The following NMT2 variants were observed in gnomAD, a reference collection of about 807,000 sequenced individuals.
NMT2 encodes the protein N-myristoyltransferase 2, also known as glycylpeptide N-tetradecanoyltransferase 2.
Under a neutral mutation model 65.4 loss-of-function variants are expected in NMT2, and 35 were observed. The ratio of observed to expected loss-of-function variants is 0.54; its 90% CI spans 0.41 to 0.71. The LOEUF is 0.71. Ranked by LOEUF, NMT2 falls within the 30% of genes least tolerant of loss-of-function variation. The probability of loss-of-function intolerance (pLI) is 0.00; values close to 1 mark genes in which losing one functional copy is unlikely to be tolerated. For missense variants in NMT2, 489 were observed against 611.3 expected, an observed-to-expected ratio of 0.80 and a Z score of 2.11; for synonymous variants, 226 against 231.8, an observed-to-expected ratio of 0.98 and a Z score of 0.23.
At chr10:15,118,311 G>A (rs1431936975) in intron 9 of NMT2, among the ~76,000 whole-genome samples, 1 of 152,214 alleles carries the variant, frequency 6.6e-6, no homozygotes, top group East Asian at 1.9e-4. Flanking sequence ...GCCAAGGCAG[G>A]TGAATCACCT....
At chr10:15,168,141 G>T (rs1314158396) in intron 1 of NMT2, among the ~76,000 whole-genome samples, 1 of 152,204 alleles carries the variant, frequency 6.6e-6, no homozygotes, top group African/African-American at 2.4e-5. Flanking sequence ...AAAGGGAAGG[G>T]CGTAGCGCCT....
intron 2 of NMT2, among the ~76,000 whole-genome samples, chr10:15,136,063 A>G (rs1298832311): frequency 6.6e-6 from 1 of 152,036 alleles, no homozygotes; most frequent in Non-Finnish European, 1.5e-5. Flanking sequence ...CCTTGTCTTT[A>G]CAACAATACA....
chr10:15,139,292 CT>C (rs1336352075), intron 2 of NMT2, among the ~76,000 whole-genome samples: 49 of 147,788 alleles, frequency 3.3e-4, no homozygotes, highest in East Asian at 7.7e-4. Context: ...ATCTATCTAT[CT>C]ATCCATCCAT....
intron 1 of NMT2, chr10:15,154,785 A>G: frequency 4.2e-6 from 3 of 720,116 alleles, no homozygotes; most frequent in African/African-American, 1.7e-5. Context: ...AAGATAAAAC[A>G]CAAGTCAAAC....
chr10:15,117,573 G>C (rs1845786651), intron 9 of NMT2, among the ~76,000 whole-genome samples: 1 of 152,108 alleles, frequency 6.6e-6, no homozygotes, highest in East Asian at 1.9e-4. Context: ...ATAAATAAAG[G>C]CATCGAGATT....
chr10:15,138,451 T>G (rs764067263), intron 2 of NMT2: 1 of 471,162 alleles, frequency 2.1e-6, no homozygotes, highest in South Asian at 1.5e-5. Context: ...CTGGGAAGAA[T>G]GAGTGTGCAT....
intron 1 of NMT2, among the ~76,000 whole-genome samples, chr10:15,155,535 GTTTTTTTTTT>G (rs71390015): frequency 3.4e-5 from 2 of 59,390 alleles, no homozygotes; most frequent in South Asian, 1.2e-3. Context: ...TGCCGGGCTA[GTTTTTTTTTT>G]TTTTTTTTTT....
chr10:15,118,278 C>T (rs1277505013), intron 9 of NMT2, among the ~76,000 whole-genome samples: 1 of 152,170 alleles, frequency 6.6e-6, no homozygotes, highest in Non-Finnish European at 1.5e-5. Context: ...TGGCTCACAC[C>T]TATAATTCCA....
chr10:15,147,752 G>A (rs765174481), intron 1 of NMT2, among the ~76,000 whole-genome samples: 2 of 152,136 alleles, frequency 1.3e-5, no homozygotes, highest in African/African-American at 2.4e-5. Context: ...AACAGTGTCT[G>A]GCATTTAGTA....
chr10:15,122,962 A>G (rs1845972181), intron 8 of NMT2, among the ~76,000 whole-genome samples: 1 of 152,170 alleles, frequency 6.6e-6, no homozygotes, highest in South Asian at 2.1e-4. Flanking sequence ...CATAGATTCA[A>G]AGATCTTGGG....
chr10:15,128,349 C>T lies in NMT2; in HGVS notation c.999+1G>A. 6.6e-7 allele frequency: 1 copy of T among 1,513,024 alleles called. No homozygotes were observed. Among genetic ancestry groups the T allele is most frequent in the Middle Eastern group, 1.7e-4 (1 of 5,870 alleles). 93.7% of individuals were successfully genotyped at this position (1,513,024 alleles called of 1,614,324 possible). A position where few individuals can be genotyped will look rare whatever the true frequency, so the allele number is the denominator to read the frequency against. ...AAAAACTGCAAATCATTCTTACTTA[C>T]ATCTGGAAGTCTGTATAGCTTCATT... On this transcript the variant is annotated splice_donor_variant, in intron 8 of 11. Transcript: ENST00000378165. LOFTEE classifies it high-confidence loss of function.
chr10:15,141,130 C>G (rs1490647297), intron 2 of NMT2: 1 of 1,091,164 alleles, frequency 9.2e-7, no homozygotes, highest in East Asian at 2.6e-5. Flanking sequence ...AAAAACCTAA[C>G]AAGCTCACAC....
chr10:15,107,675 G>A lies in NMT2; in HGVS notation c.*1520C>T, dbSNP rs751521104. 5 of 713,550 alleles carry A rather than the reference G, an allele frequency of 7.0e-6. No individual in the cohort carries two copies. Among genetic ancestry groups the A allele is most frequent in the Non-Finnish European group, 6.9e-6 (4 of 582,512 alleles). 44.2% of individuals were successfully genotyped at this position (713,550 alleles called of 1,614,324 possible). On this transcript the variant is annotated 3_prime_UTR_variant, in exon 12 of 12. Coordinates refer to ENST00000378165, the MANE Select transcript of NMT2 (RefSeq NM_004808.3). ...TCACCATGTTGGCCAGGCTGGTCTC[G>A]AACCCCTGACCTCAAATGTTTCGCC...
chr10:15,134,779 G>A (rs1477451788), intron 3 of NMT2, among the ~76,000 whole-genome samples: 8 of 152,114 alleles, frequency 5.3e-5, no homozygotes, highest in Non-Finnish European at 1.2e-4. Context: ...CCAGGAGTTC[G>A]AGACCAGCCC....
At chr10:15,126,870 G>C (rs890818843) in intron 8 of NMT2, among the ~76,000 whole-genome samples, 10 of 152,224 alleles carry the variant, frequency 6.6e-5, no homozygotes, top group African/African-American at 2.4e-4. Context: ...CATGGCCATA[G>C]ATAACTAATA....
chr10:15,150,365 G>A (rs1383360151), intron 1 of NMT2, among the ~76,000 whole-genome samples: 1 of 152,142 alleles, frequency 6.6e-6, no homozygotes, highest in Non-Finnish European at 1.5e-5. Context: ...TTTTGTCAGT[G>A]GTTCATTTGT....
At chr10:15,120,209 G>A (rs1166333004) in intron 8 of NMT2, among the ~76,000 whole-genome samples, 2 of 152,310 alleles carry the variant, frequency 1.3e-5, no homozygotes, top group Middle Eastern at 3.4e-3. Flanking sequence ...TGTAATCCCA[G>A]CACTTTGGGA....
chr10:15,168,435 GA>G (rs1313540005), intron 1 of NMT2, 67 bp downstream of exon 1: 5 of 1,213,846 alleles, frequency 4.1e-6, no homozygotes, highest in Non-Finnish European at 5.9e-6. Flanking sequence ...AGCCACCCCC[GA>G]ACGGGAGACC....
Position 15,168,688 on chromosome 10 carries a change from C to A in NMT2, c.-76G>T. 3.5e-6 allele frequency: 4 copies of A among 1,135,898 alleles called. No homozygotes were observed. The highest frequency in any genetic ancestry group is 5.2e-5 in the Admixed American group (2 of 38,568). The allele number at this position is 1,135,898 out of a possible 1,614,324, so 70.4% of individuals were successfully genotyped here. ...CGCAGCTCCCTCTAGTGCCTCCCGCCGTACTGCTTGGAGTCGGAGCCCGGG... is the reference window on the plus strand; with the variant it reads ...CGCAGCTCCCTCTAGTGCCTCCCGCAGTACTGCTTGGAGTCGGAGCCCGGG... On this transcript the variant is annotated 5_prime_UTR_variant, in exon 1 of 12. Coordinates refer to ENST00000378165, the MANE Select transcript of NMT2 (RefSeq NM_004808.3).
Sources: allele counts gnomAD v4.1 joint callset (sites outside exome capture counted in the v4.1 genomes callset), GRCh38; gene constraint gnomAD v4.1.1; transcripts MANE v1.5; gene names NCBI Gene and HGNC (gene_info 2026-07-23, HGNC 2026-07-21).